The following HTR4 variants were observed in gnomAD, a reference collection of about 807,000 sequenced individuals.
HTR4 encodes 5-hydroxytryptamine (serotonin) receptor 4, G protein-coupled.
A neutral mutation model predicts 36.8 loss-of-function variants in HTR4; 16 were observed. That is an observed-to-expected ratio of 0.43 (90% CI 0.29 to 0.66). HTR4 has a LOEUF of 0.66. Ranked by LOEUF, HTR4 falls within the 30% of genes least tolerant of loss-of-function variation. The pLI, the probability that HTR4 is intolerant of heterozygous loss-of-function variation, is 0.13. For missense variants in HTR4, 438 were observed against 490.9 expected (o/e 0.89, Z 1.02); for synonymous variants, 189 against 185.1 (o/e 1.02, Z -0.17).
chr5:148,529,627 A>G (rs1758455960), intron 4 of HTR4, among the ~76,000 whole-genome samples: 1 of 152,222 alleles, frequency 6.6e-6, no homozygotes, highest in Non-Finnish European at 1.5e-5. Context: ...AAAATGGACT[A>G]ATACAGTAAA....
intron 4 of HTR4, among the ~76,000 whole-genome samples, chr5:148,529,809 C>T (rs1042640281): frequency 6.6e-6 from 1 of 152,156 alleles, no homozygotes; most frequent in Admixed American, 6.5e-5. Flanking sequence ...GGCCAAAATG[C>T]TGATAATGAT....
intron 2 of HTR4, among the ~76,000 whole-genome samples, chr5:148,612,139 G>A (rs1321001524): frequency 6.6e-6 from 1 of 152,060 alleles, no homozygotes; most frequent in South Asian, 2.1e-4. Flanking sequence ...AGTCAACAAG[G>A]ATACCCAGGA....
intron 2 of HTR4, among the ~76,000 whole-genome samples, chr5:148,627,387 A>C (rs1186281432): frequency 6.6e-6 from 1 of 152,176 alleles, no homozygotes; most frequent in Non-Finnish European, 1.5e-5. Context: ...CCATTTCCAC[A>C]TACGCTTTTT....
At chr5:148,509,311 A>T in intron 6 of HTR4, 145 bp downstream of exon 6, 1 of 627,746 alleles carries the variant, frequency 1.6e-6, no homozygotes. Flanking sequence ...GCTGTATTCC[A>T]TGACCAGATA....
At chr5:148,511,174 G>C (rs115705195) in intron 5 of HTR4, among the ~76,000 whole-genome samples, 5 of 151,738 alleles carry the variant, frequency 3.3e-5, no homozygotes, top group Non-Finnish European at 5.9e-5. Flanking sequence ...TTCTTTTTTC[G>C]AATATTTTAT....
At chr5:148,603,261 T>C (rs1307443436) in intron 2 of HTR4, among the ~76,000 whole-genome samples, 1 of 152,014 alleles carries the variant, frequency 6.6e-6, no homozygotes, top group Non-Finnish European at 1.5e-5. Flanking sequence ...ATCAATGCAA[T>C]TCTCCATGTT....
intron 4 of HTR4, among the ~76,000 whole-genome samples, chr5:148,534,633 C>A (rs575650043): frequency 6.6e-6 from 1 of 152,240 alleles, no homozygotes; most frequent in South Asian, 2.1e-4. Context: ...CTCTACACCT[C>A]CAACAAGCTG....
At position 148,482,934 on chromosome 5, in the gene HTR4, C is replaced by T; in HGVS notation, c.*269G>A. 12 of 1,345,114 alleles carry T rather than the reference C, an allele frequency of 8.9e-6. No individual in the cohort carries two copies. Among genetic ancestry groups the T allele is most frequent in the Non-Finnish European group, 1.2e-5 (12 of 1,042,692 alleles). 83.3% of individuals were successfully genotyped at this position (1,345,114 alleles called of 1,614,324 possible). A position where few individuals can be genotyped will look rare whatever the true frequency, so the allele number is the denominator to read the frequency against. On this transcript the variant is annotated 3_prime_UTR_variant, in exon 7 of 7. Transcript: ENST00000377888. ...AGTGACGGGAACATGTCAGAGACAC[C>T]AGAGACCACGCGGCAAAAGCAGAGA...
At chr5:148,544,036 G>T (rs1274239365) in intron 4 of HTR4, among the ~76,000 whole-genome samples, 1 of 152,098 alleles carries the variant, frequency 6.6e-6, no homozygotes, top group African/African-American at 2.4e-5. Flanking sequence ...ATTGTGGATG[G>T]ACTTGCATTT....
At chr5:148,635,539 G>C (rs1433631322) in intron 2 of HTR4, among the ~76,000 whole-genome samples, 1 of 152,144 alleles carries the variant, frequency 6.6e-6, no homozygotes, top group Non-Finnish European at 1.5e-5. Context: ...GTATTCTGCT[G>C]TTAGAATCTA....
At chr5:148,463,793 G>T (rs1454624503) in intron 5 of HTR4, among the ~76,000 whole-genome samples, 1 of 151,568 alleles carries the variant, frequency 6.6e-6, no homozygotes, top group Non-Finnish European at 1.5e-5. Flanking sequence ...ATTGAAGGAG[G>T]AGAATAAAGT....
downstream of HTR4, among the ~76,000 whole-genome samples, chr5:148,472,029 G>T (rs866087573): frequency 5.3e-5 from 8 of 152,128 alleles, no homozygotes; most frequent in Admixed American, 1.3e-4. Context: ...ACTCACATAG[G>T]GTTCCACTCA....
chr5:148,474,158 A>C (rs1755637992), downstream of HTR4, among the ~76,000 whole-genome samples: 1 of 152,162 alleles, frequency 6.6e-6, no homozygotes, highest in Non-Finnish European at 1.5e-5. Context: ...TCCCACCAGA[A>C]ATGGTGCCTC....
intron 5 of HTR4, among the ~76,000 whole-genome samples, chr5:148,457,903 A>AT (rs1480569642): frequency 7.2e-5 from 10 of 138,666 alleles, no homozygotes; most frequent in Non-Finnish European, 7.6e-5. Flanking sequence ...TTATATTTTA[A>AT]TATATATTTA....
chr5:148,609,944 G>A (rs1020898558), intron 2 of HTR4, among the ~76,000 whole-genome samples: 9 of 152,026 alleles, frequency 5.9e-5, no homozygotes, highest in Non-Finnish European at 1.2e-4. Flanking sequence ...AAACTTTTGA[G>A]TGAGATTTGA....
At chr5:148,608,534 A>G (rs1035276847) in intron 2 of HTR4, among the ~76,000 whole-genome samples, 5 of 152,222 alleles carry the variant, frequency 3.3e-5, no homozygotes, top group East Asian at 1.9e-4. Context: ...AGAAAGTGGT[A>G]TGATACAATA....
At chr5:148,536,004 T>C (rs184356078) in intron 4 of HTR4, among the ~76,000 whole-genome samples, 1 of 152,180 alleles carries the variant, frequency 6.6e-6, no homozygotes, top group African/African-American at 2.4e-5. Context: ...GGAGGTCACC[T>C]ACAAAGGGAA....
rs2964275 is a variant in HTR4 at position 148,591,277 on chromosome 5, G to A, written c.27-41015C>T. On this transcript the variant is annotated intron_variant, in intron 2 of 6. Transcript: ENST00000377888. ...TGAGTAACATTACGCCTCCATCTTT[G>A]TTCTTTTTGCTAAGAATTTCCTTGG... 4.9e-3 allele frequency among the ~76,000 whole-genome samples: 749 copies of A among 152,040 alleles called. 5 individuals carry two copies. Among genetic ancestry groups the A allele is most frequent in the Middle Eastern group, 0.027 (8 of 294 alleles).
intron 2 of HTR4, among the ~76,000 whole-genome samples, chr5:148,586,952 C>G (rs1045694884): frequency 2.0e-5 from 3 of 152,096 alleles, no homozygotes; most frequent in African/African-American, 7.2e-5. Flanking sequence ...TTTCTTTTAT[C>G]TGGGGCTGCA....
Sources: allele counts gnomAD v4.1 joint callset (sites outside exome capture counted in the v4.1 genomes callset), GRCh38; gene constraint gnomAD v4.1.1; transcripts MANE v1.5; gene names NCBI Gene and HGNC (gene_info 2026-07-23, HGNC 2026-07-21).